PCDHGA6: variants seen among roughly 807,000 people sequenced by gnomAD.
PCDHGA6 encodes the protein protocadherin gamma subfamily A, 6.
In PCDHGA6, 41 loss-of-function variants were observed where a neutral mutation model predicts 60.6. The ratio of observed to expected loss-of-function variants is 0.68; its 90% CI spans 0.53 to 0.88. The LOEUF is 0.88. Among genes scored for constraint, PCDHGA6 ranks in the 40% least tolerant of loss-of-function variants. PCDHGA6 has a pLI of 0.00. For synonymous variants in PCDHGA6, 594 were observed against 524.4 expected (o/e 1.13, Z -1.81); for missense variants, 1,312 against 1,203.0 (o/e 1.09, Z -1.34).
intron 1 of PCDHGA6, chr5:141,478,291 C>T: frequency 1.9e-6 from 3 of 1,614,144 alleles, no homozygotes; most frequent in East Asian, 2.2e-5. Context: ...AGTCTAGAGA[C>T]CTATACCGAG....
At chr5:141,457,940 T>G (rs541807221) in intron 1 of PCDHGA6, among the ~76,000 whole-genome samples, 2 of 152,356 alleles carry the variant, frequency 1.3e-5, no homozygotes, top group East Asian at 3.9e-4. Flanking sequence ...TTTTATTGGC[T>G]CTGCATGTCA....
chr5:141,409,279 T>C, intron 1 of PCDHGA6: 1 of 1,613,972 alleles, frequency 6.2e-7, no homozygotes, highest in Non-Finnish European at 8.5e-7. Context: ...TTTTGGAGAA[T>C]TCACCTCCAG....
chr5:141,470,855 G>A (rs2099242095), intron 1 of PCDHGA6, among the ~76,000 whole-genome samples: 3 of 151,856 alleles, frequency 2.0e-5, no homozygotes, highest in Admixed American at 2.0e-4. Context: ...GCTCAGATAA[G>A]TTTTTTGTTT....
intron 1 of PCDHGA6, chr5:141,403,373 A>C: frequency 6.2e-7 from 1 of 1,614,074 alleles, no homozygotes; most frequent in Non-Finnish European, 8.5e-7. Flanking sequence ...TCTGGAAGTA[A>C]AAATTAACGA....
Position 141,476,264 on chromosome 5 carries a change from G to C in PCDHGA6, c.2425-18543G>C, listed in dbSNP as rs753184649. The C allele has an allele frequency of 6.2e-7, 1 of 1,614,082 alleles. No individual in the cohort carries two copies. Among genetic ancestry groups the C allele is most frequent in the Non-Finnish European group, 8.5e-7 (1 of 1,180,010 alleles). On this transcript the variant is annotated intron_variant, in intron 1 of 3. Transcript: ENST00000517434. This position sits in a 1 kb window ranked among gnomAD's most constrained non-coding sequence, Gnocchi z 7.6. ...AGAGAAGGGTTTCGCTGTGGGCAAC[G>C]TGGTCGCGAACCTTGGTTTGGATCT...
chr5:141,484,715 G>A (rs576646182), intron 1 of PCDHGA6, among the ~76,000 whole-genome samples: 1 of 152,130 alleles, frequency 6.6e-6, no homozygotes, highest in African/African-American at 2.4e-5. Context: ...CCGCCGAAAA[G>A]GGGCGGGGTC....
At chr5:141,426,639 AATGTGATGATAGAAGATATAAATG>A (rs1418104928) in intron 1 of PCDHGA6, 1 of 407,642 alleles carries the variant, frequency 2.5e-6, no homozygotes, top group Non-Finnish European at 5.0e-6. Context: ...TTTTCACATA[AATGTGATGATAGAAGATATAAATG>A]ATAACCCACC....
intron 1 of PCDHGA6, among the ~76,000 whole-genome samples, chr5:141,443,210 G>A (rs142248407): frequency 3.2e-4 from 49 of 151,888 alleles, no homozygotes; most frequent in African/African-American, 9.4e-4. Context: ...AGCTTGTCTC[G>A]CCAGGCGCAT....
chr5:141,476,587 G>A lies in PCDHGA6; in HGVS notation c.2425-18220G>A. ...CTCCGGGGACGCGCTTTCCGCTCGA[G>A]AGCGCGCACGATCCCGATGTGGGAA... On this transcript the variant is annotated intron_variant, in intron 1 of 3. Coordinates refer to ENST00000517434, the MANE Select transcript of PCDHGA6 (RefSeq NM_018919.3). The surrounding 1 kb of genome is among the most constrained non-coding windows in gnomAD (Gnocchi z 7.6). 6.2e-7 allele frequency: 1 copy of A among 1,614,234 alleles called. No homozygotes were observed. The highest frequency in any genetic ancestry group is 1.1e-5 in the South Asian group (1 of 91,086).
chr5:141,377,373 A>G (rs1416774435), intron 1 of PCDHGA6: 1 of 152,200 alleles, frequency 6.6e-6, no homozygotes, highest in Non-Finnish European at 1.5e-5. Context: ...CAGGAGGCTG[A>G]GGCAGGAGGA....
Position 141,468,058 on chromosome 5 carries a change from C to T in PCDHGA6, c.2425-26749C>T, listed in dbSNP as rs993225792. ...TAGAAAACTAAGCCGGGCACAGTGG[C>T]TCACACCTGTAATCCCAGCACTTTG... On this transcript the variant is annotated intron_variant, in intron 1 of 3. Transcript: ENST00000517434. 1.1e-4 allele frequency among the ~76,000 whole-genome samples: 16 copies of T among 152,140 alleles called. 2 individuals carry two copies. The highest frequency in any genetic ancestry group is 5.2e-4 in the Admixed American group (8 of 15,276).
chr5:141,491,802 G>C lies in PCDHGA6; in HGVS notation c.2425-3005G>C, dbSNP rs759587995. 1 of 1,497,480 alleles carries C rather than the reference G, an allele frequency of 6.7e-7. No homozygotes were observed. The highest frequency in any genetic ancestry group is 1.3e-5 in the South Asian group (1 of 74,938). The allele number at this position is 1,497,480 out of a possible 1,614,324, so 92.8% of individuals were successfully genotyped here. A position where few individuals can be genotyped will look rare whatever the true frequency, so the allele number is the denominator to read the frequency against. On this transcript the variant is annotated intron_variant, in intron 1 of 3. Coordinates refer to ENST00000517434, the MANE Select transcript of PCDHGA6 (RefSeq NM_018919.3). The surrounding 1 kb of genome is among the most constrained non-coding windows in gnomAD (Gnocchi z 6.9). ...ACTTGCATCCACTCCTCTCCGGCCG[G>C]CTTGGTCGCTGGCTGCGCTCCACCC...
intron 1 of PCDHGA6, among the ~76,000 whole-genome samples, chr5:141,470,256 A>G (rs1043528709): frequency 6.6e-6 from 1 of 152,228 alleles, no homozygotes; most frequent in African/African-American, 2.4e-5. Flanking sequence ...ACCTGTCTAA[A>G]TGGAGATACA....
At position 141,502,665 on chromosome 5, in the gene PCDHGA6, A is replaced by G. The variant is rs192555506; in HGVS notation, c.2484-2728A>G. The stretch of plus-strand genomic sequence containing the variant: ...GAGATAGGCAGCAACCCTTCATGCA[A>G]TTTTAGTATTCCCTGATGATCCTTG... On this transcript the variant is annotated intron_variant, in intron 2 of 3. Transcript: ENST00000517434. 3.7e-3 allele frequency among the ~76,000 whole-genome samples: 568 copies of G among 152,330 alleles called. 1 individual carries two copies. Among genetic ancestry groups the G allele is most frequent in the African/African-American group, 0.013 (544 of 41,584 alleles).
chr5:141,425,897 A>G (rs893972047), intron 1 of PCDHGA6, among the ~76,000 whole-genome samples: 1 of 152,240 alleles, frequency 6.6e-6, no homozygotes, highest in African/African-American at 2.4e-5. Context: ...TTTGGTAGTA[A>G]ACACTGGAAA....
In PCDHGA6 at chr5:141,431,465, AACG is replaced by A; in HGVS notation, c.2424+54961_2424+54963del. 1.9e-6 allele frequency: 3 copies of A among 1,613,790 alleles called. No homozygotes were observed. The highest frequency in any genetic ancestry group is 2.5e-6 in the Non-Finnish European group (3 of 1,179,970). ...CATCCGCGTGATGGTTCTGGATGCGAACGACAACGCACCAGCGTTTGCTCAGCC... is the reference window on the plus strand; with the variant it reads ...CATCCGCGTGATGGTTCTGGATGCGAACAACGCACCAGCGTTTGCTCAGCC... On this transcript the variant is annotated intron_variant, in intron 1 of 3. Transcript: ENST00000517434. The surrounding 1 kb of genome is among the most constrained non-coding windows in gnomAD (Gnocchi z 4.8).
chr5:141,423,561 C>G (rs959698297), intron 1 of PCDHGA6: 7 of 1,613,628 alleles, frequency 4.3e-6, no homozygotes, highest in Non-Finnish European at 5.9e-6. Flanking sequence ...ACTATGGGGA[C>G]ACGCTCATCA....
intron 1 of PCDHGA6, chr5:141,423,381 G>T (rs2154550114): frequency 6.2e-7 from 1 of 1,614,204 alleles, no homozygotes; most frequent in East Asian, 2.2e-5. Flanking sequence ...TCAGGCTGTG[G>T]CGCTGGCATA....
At chr5:141,509,777 G>A (rs1244876699) in intron 3 of PCDHGA6, among the ~76,000 whole-genome samples, 1 of 152,100 alleles carries the variant, frequency 6.6e-6, no homozygotes, top group Non-Finnish European at 1.5e-5. Flanking sequence ...TCTAGTCCCC[G>A]AGATCATCAT....
Sources: allele counts gnomAD v4.1 joint callset (sites outside exome capture counted in the v4.1 genomes callset), GRCh38; gene constraint gnomAD v4.1.1; non-coding constraint Gnocchi (gnomAD v3.1); transcripts MANE v1.5; gene names NCBI Gene and HGNC (gene_info 2026-07-23, HGNC 2026-07-21).